Variants in EYS observed in about 807,000 individuals in gnomAD.
The protein encoded by EYS is EGF-like photoreceptor maintenance factor.
Under a neutral mutation model 282.1 loss-of-function variants are expected in EYS, and 250 were observed. The ratio of observed to expected loss-of-function variants is 0.89; its 90% CI spans 0.80 to 0.98. The LOEUF (loss-of-function observed/expected upper bound fraction) is 0.98. Ranked by LOEUF, EYS falls within the 50% of genes least tolerant of loss-of-function variation. EYS has a pLI of 0.00. For missense variants in EYS, 4,016 were observed against 3,709.0 expected (o/e 1.08, Z -2.15); for synonymous variants, 1,355 against 1,282.9 (o/e 1.06, Z -1.20).
chr6:63,757,755 G>GT (rs1345495749), intron 41 of EYS, among the ~76,000 whole-genome samples: 1 of 152,158 alleles, frequency 6.6e-6, no homozygotes, highest in Admixed American at 6.6e-5. Flanking sequence ...AATATTGGGG[G>GT]TGGGTTCCCC....
intron 26 of EYS, among the ~76,000 whole-genome samples, chr6:64,579,882 A>G (rs1766004433): frequency 1.3e-5 from 2 of 152,122 alleles, no homozygotes; most frequent in African/African-American, 4.8e-5. Context: ...ATCTCTCACT[A>G]GCTGCCTGGA....
At chr6:65,663,847 AT>A (rs1333437266) in intron 1 of EYS, among the ~76,000 whole-genome samples, 1 of 133,494 alleles carries the variant, frequency 7.5e-6, no homozygotes, top group African/African-American at 2.9e-5. Flanking sequence ...CGCCCAGCTA[AT>A]TTTTTGTTTT....
chr6:64,920,512 A>G (rs745346323), intron 15 of EYS, among the ~76,000 whole-genome samples: 30 of 152,198 alleles, frequency 2.0e-4, no homozygotes, highest in Middle Eastern at 3.4e-3. Flanking sequence ...TTTTTTTCCA[A>G]AAAGGATCTT....
rs149741279 is a variant in EYS, at chr6:64,119,385, C to T, written c.6425-37383G>A. Among the ~76,000 whole-genome samples, 625 of 152,174 alleles carry T rather than the reference C, an allele frequency of 4.1e-3. 2 individuals carry two copies. The highest frequency in any genetic ancestry group is 0.014 in the African/African-American group (576 of 41,506). On this transcript the variant is annotated intron_variant, in intron 31 of 42. Coordinates refer to ENST00000503581, the MANE Select transcript of EYS (RefSeq NM_001142800.2). ...GAATTTCATGCAACTTCCTAATGGC[C>T]GCTTTGATACAGCATAAGTATAATC...
At chr6:64,869,904 G>A (rs545381305) in intron 19 of EYS, among the ~76,000 whole-genome samples, 1 of 151,506 alleles carries the variant, frequency 6.6e-6, no homozygotes, top group East Asian at 1.9e-4. Flanking sequence ...AGAAAGGTAA[G>A]ACTAGAAGTA....
In EYS at chr6:64,855,255, G is replaced by A. The variant is rs576677283; in HGVS notation, c.2992+31442C>T. Among the ~76,000 whole-genome samples the A allele has an allele frequency of 6.6e-5, 10 of 151,918 alleles. No individual in the cohort carries two copies. The East Asian group carries it at 1.7e-3, about 26-fold the overall frequency. On this transcript the variant is annotated intron_variant, in intron 19 of 42. Transcript: ENST00000503581. ...TTGGTGTATGTTTTTTACCGTTTTT[G>A]TAGAAATCTTGGCCTTTATCTTTTC...
chr6:64,125,177 G>GCGCGCGCGCGCTCTCTCTCTCTCTCT (rs1562213606), intron 31 of EYS, among the ~76,000 whole-genome samples: 1 of 134,324 alleles, frequency 7.4e-6, no homozygotes, highest in African/African-American at 2.9e-5. Context: ...TCTCTCTCTC[G>GCGCGCGCGCGCTCTCTCTCTCTCTCT]CTCTCTCTCT....
intron 14 of EYS, among the ~76,000 whole-genome samples, chr6:64,994,476 C>A (rs1183600378): frequency 1.3e-5 from 2 of 152,066 alleles, no homozygotes; most frequent in Non-Finnish European, 2.9e-5. Flanking sequence ...TCTGGACAGT[C>A]CAGCTCATAC....
At chr6:64,719,829 A>C (rs1771515464) in intron 22 of EYS, among the ~76,000 whole-genome samples, 1 of 152,130 alleles carries the variant, frequency 6.6e-6, no homozygotes, top group African/African-American at 2.4e-5. Flanking sequence ...TGAACCTGGG[A>C]GGTGGAGGCT....
chr6:63,962,563 C>G (rs930636900), intron 35 of EYS, among the ~76,000 whole-genome samples: 17 of 152,222 alleles, frequency 1.1e-4, no homozygotes, highest in African/African-American at 3.9e-4. Flanking sequence ...CAGTGAGATA[C>G]CATCTCACAC....
chr6:65,185,167 A>G (rs908496108), intron 12 of EYS, among the ~76,000 whole-genome samples: 4 of 151,808 alleles, frequency 2.6e-5, no homozygotes, highest in African/African-American at 9.7e-5. Flanking sequence ...CAGTCTCTAG[A>G]TTTTCAGATT....
rs570117007 is a variant in EYS, at chr6:65,280,701, A to G, written c.2023+15162T>C. Reference sequence around the variant, plus strand: ...ACAATTTCCAGTGCTATTTTATGATATTAATTCATCTGATACATAGAAATA... The same window carrying G: ...ACAATTTCCAGTGCTATTTTATGATGTTAATTCATCTGATACATAGAAATA... On this transcript the variant is annotated intron_variant, in intron 12 of 42. Coordinates refer to ENST00000503581, the MANE Select transcript of EYS (RefSeq NM_001142800.2). Among the ~76,000 whole-genome samples the G allele has an allele frequency of 2.0e-5, 3 of 152,004 alleles. No homozygotes were observed. The South Asian group carries it at 6.2e-4, about 32-fold the overall frequency.
At chr6:65,543,677 C>T (rs899189617) in intron 2 of EYS, among the ~76,000 whole-genome samples, 4 of 152,148 alleles carry the variant, frequency 2.6e-5, no homozygotes, top group African/African-American at 7.2e-5. Context: ...ATAGTCAGCA[C>T]TGATTGCACC....
chr6:63,970,409 C>G (rs555275410), intron 35 of EYS, among the ~76,000 whole-genome samples: 1 of 151,960 alleles, frequency 6.6e-6, no homozygotes, highest in African/African-American at 2.4e-5. Flanking sequence ...GCCGAGGTGG[C>G]CAGATCACTA....
At chr6:65,315,956 G>T (rs1447860940) in intron 11 of EYS, among the ~76,000 whole-genome samples, 1 of 151,210 alleles carries the variant, frequency 6.6e-6, no homozygotes, top group African/African-American at 2.4e-5. Flanking sequence ...TATTCTCCTT[G>T]GTAAATAGTA....
intron 35 of EYS, among the ~76,000 whole-genome samples, chr6:63,924,950 T>G (rs1486634700): frequency 6.6e-6 from 1 of 152,196 alleles, no homozygotes; most frequent in Non-Finnish European, 1.5e-5. Context: ...TGAGATTTTC[T>G]TCACCACTAC....
chr6:64,083,906 T>G (rs2149870719), intron 31 of EYS, among the ~76,000 whole-genome samples: 1 of 152,164 alleles, frequency 6.6e-6, no homozygotes, highest in Middle Eastern at 3.4e-3. Context: ...CCTGGCTAAC[T>G]TTTGTATTTT....
chr6:64,009,120 C>G (rs1768484127), intron 33 of EYS, among the ~76,000 whole-genome samples: 1 of 152,046 alleles, frequency 6.6e-6, no homozygotes, highest in Non-Finnish European at 1.5e-5. Context: ...TAGATTTGGT[C>G]TTTACCTAAT....
At chr6:63,964,746 T>C (rs1766225673) in intron 35 of EYS, among the ~76,000 whole-genome samples, 3 of 152,232 alleles carry the variant, frequency 2.0e-5, no homozygotes, top group Non-Finnish European at 4.4e-5. Flanking sequence ...ATTTCTCCCC[T>C]CATACTTTCC....
Sources: allele counts gnomAD v4.1 joint callset (sites outside exome capture counted in the v4.1 genomes callset), GRCh38; gene constraint gnomAD v4.1.1; transcripts MANE v1.5; gene names NCBI Gene and HGNC (gene_info 2026-07-23, HGNC 2026-07-21).